Variants in COL4A4 observed in about 807,000 individuals in gnomAD.
COL4A4 encodes collagen type IV alpha 4 chain.
COL4A4 carries 105 observed loss-of-function variants against 192.9 expected under a neutral mutation model. The observed-to-expected ratio is 0.54, with a 90% confidence interval of 0.46 to 0.64. The LOEUF (loss-of-function observed/expected upper bound fraction) is 0.64. Among genes scored for constraint, COL4A4 ranks in the 30% least tolerant of loss-of-function variants. The pLI is 0.00. For synonymous variants in COL4A4, 762 were observed against 769.9 expected (o/e 0.99, Z 0.17); for missense variants, 1,967 against 2,169.3 (o/e 0.91, Z 1.85).
intron 4 of COL4A4, among the ~76,000 whole-genome samples, chr2:227,121,632 A>C (rs1175815035): frequency 2.7e-5 from 4 of 148,818 alleles, no homozygotes; most frequent in African/African-American, 1.0e-4. Flanking sequence ...AAGGAAAAAC[A>C]AGACAAGAAA....
At position 227,008,136 on chromosome 2, in the gene COL4A4, C is replaced by T; in HGVS notation, c.4691G>A (p.Ser1564Asn). ...LSEEAIRPYV[S>N]RCAVCEAPAQ... ...CGGGGCCTCGCATACCGCACAGCGG[C>T]TGACATAGGGGCGGATCGCCTCTTC... The change falls in exon 47 of 48, where the codon AGC becomes AAC. Residue 1564 changes from serine (S) to asparagine (N), a missense_variant. Physicochemically the swap from Ser to Asn is conservative, Grantham distance 46. Coordinates refer to ENST00000396625, the MANE Select transcript of COL4A4 (RefSeq NM_000092.5). The T allele has an allele frequency of 6.2e-7, 1 of 1,614,056 alleles. No individual in the cohort carries two copies. The highest frequency in any genetic ancestry group is 2.2e-5 in the East Asian group (1 of 44,878).
intron 44 of COL4A4, among the ~76,000 whole-genome samples, chr2:227,013,595 G>A (rs1964274216): frequency 1.3e-5 from 2 of 152,174 alleles, no homozygotes; most frequent in Admixed American, 6.5e-5. Flanking sequence ...ACGGAGGGAG[G>A]CCTTGGGAGA....
intron 35 of COL4A4, among the ~76,000 whole-genome samples, chr2:227,045,840 AT>A (rs1972478287): frequency 1.7e-5 from 1 of 59,304 alleles, no homozygotes; most frequent in African/African-American, 7.4e-5. Flanking sequence ...ATACACACAT[AT>A]ATATATACAC....
chr2:227,130,574 C>T (rs1440343033), intron 4 of COL4A4, among the ~76,000 whole-genome samples: 4 of 152,182 alleles, frequency 2.6e-5, no homozygotes, highest in African/African-American at 4.8e-5. Flanking sequence ...GAGTCTCCCC[C>T]AGAGCTCTTC....
chr2:227,135,241 C>T (rs1326711768), intron 4 of COL4A4, among the ~76,000 whole-genome samples: 1 of 132,082 alleles, frequency 7.6e-6, no homozygotes, highest in Admixed American at 7.4e-5. Flanking sequence ...GGGGACCAAC[C>T]AGCCCCCTCT....
At position 227,109,214 on chromosome 2, in the gene COL4A4, C is replaced by T; in HGVS notation, c.657+10G>A. On this transcript the variant is annotated intron_variant, in intron 10 of 47. Coordinates refer to ENST00000396625, the MANE Select transcript of COL4A4 (RefSeq NM_000092.5). ...TTTTAAAGGGATCACATCAGCAGTG[C>T]TGTACTTACCACTAACCCTGGCTCT... is the stretch of plus-strand genomic sequence containing the variant. 1 of 1,611,740 alleles carries T rather than the reference C, an allele frequency of 6.2e-7. No homozygotes were observed.
At chr2:227,148,145 C>T (rs950917795) in intron 1 of COL4A4, among the ~76,000 whole-genome samples, 5 of 152,154 alleles carry the variant, frequency 3.3e-5, no homozygotes, top group African/African-American at 1.2e-4. Context: ...AGCAATTCTA[C>T]TCCTGGGTAT....
At chr2:227,109,446 G>T in intron 9 of COL4A4, 160 bp from the exon 10 acceptor site, 2 of 729,236 alleles carry the variant, frequency 2.7e-6, no homozygotes, top group Admixed American at 2.0e-5. Context: ...CTTTGATGCA[G>T]CCCTAAAAGG....
At chr2:227,082,520 G>A (rs1403199602) in intron 22 of COL4A4, among the ~76,000 whole-genome samples, 1 of 152,166 alleles carries the variant, frequency 6.6e-6, no homozygotes, top group Non-Finnish European at 1.5e-5. Context: ...GGGGAAGCTG[G>A]GGAAGCATAC....
At chr2:227,137,247 T>C (rs546203888) in intron 4 of COL4A4, among the ~76,000 whole-genome samples, 4 of 152,088 alleles carry the variant, frequency 2.6e-5, no homozygotes, top group Non-Finnish European at 4.4e-5. Flanking sequence ...CCCAAGGACA[T>C]AGAAGAGAAG....
intron 1 of COL4A4, among the ~76,000 whole-genome samples, chr2:227,149,596 G>A (rs573342846): frequency 1.1e-4 from 16 of 152,170 alleles, no homozygotes; most frequent in African/African-American, 3.6e-4. Flanking sequence ...GAAGGAAAAC[G>A]CAAATTTTTT....
At chr2:227,018,455 C>G (rs1203162088) in intron 44 of COL4A4, among the ~76,000 whole-genome samples, 1 of 152,134 alleles carries the variant, frequency 6.6e-6, no homozygotes, top group East Asian at 1.9e-4. Context: ...GCCAGTGTGC[C>G]CAGCAGGCAT....
chr2:227,158,297 A>AC (rs2064516663), intron 1 of COL4A4, among the ~76,000 whole-genome samples: 1 of 152,134 alleles, frequency 6.6e-6, no homozygotes, highest in Non-Finnish European at 1.5e-5. Context: ...ATGGAAAAAA[A>AC]ATTTAATGAA....
intron 2 of COL4A4, among the ~76,000 whole-genome samples, chr2:227,145,060 T>G (rs1038337009): frequency 6.6e-5 from 10 of 152,176 alleles, no homozygotes; most frequent in African/African-American, 2.2e-4. Flanking sequence ...GGAAAAGTTA[T>G]GTAGTCCAGG....
chr2:227,059,049 G>A (rs920852533), intron 28 of COL4A4, among the ~76,000 whole-genome samples: 4 of 152,138 alleles, frequency 2.6e-5, no homozygotes, highest in African/African-American at 9.7e-5. Context: ...CAGCCTCTAA[G>A]CCACTCTTCC....
chr2:227,127,692 G>T (rs1375773110), intron 4 of COL4A4, among the ~76,000 whole-genome samples: 6 of 152,160 alleles, frequency 3.9e-5, no homozygotes, highest in Non-Finnish European at 5.9e-5. Flanking sequence ...AACATATGGG[G>T]AATGACAAAA....
intron 44 of COL4A4, among the ~76,000 whole-genome samples, chr2:227,014,842 G>A (rs547889351): frequency 2.7e-5 from 4 of 150,324 alleles, no homozygotes; most frequent in Non-Finnish European, 5.9e-5. Context: ...AGGGCTAAAG[G>A]TACTGCCTCC....
downstream of COL4A4, among the ~76,000 whole-genome samples, chr2:227,001,293 A>G (rs186939137): frequency 1.2e-3 from 185 of 151,978 alleles, 3 homozygotes; most frequent in Middle Eastern, 0.027. Flanking sequence ...ATGGGGTTTC[A>G]CATGTTAGCC....
chr2:226,994,392 C>T, the COL4A4 span, among the ~76,000 whole-genome samples: 66,298 of 151,998 alleles, frequency 0.44, 14,578 homozygotes, highest in South Asian at 0.57. Flanking sequence ...GACAAACAAA[C>T]GGAAGGTGCC....
Sources: gnomAD v4.1 joint callset for allele counts (sites outside exome capture counted in the v4.1 genomes callset) on GRCh38, gnomAD v4.1.1 for gene constraint, MANE v1.5 for transcripts, NCBI Gene and HGNC (gene_info 2026-07-23, HGNC 2026-07-21) for gene names.